SERPINI2: variants seen among roughly 807,000 people sequenced by gnomAD.
The protein encoded by SERPINI2 is serpin family I member 2.
SERPINI2 carries 48 observed loss-of-function variants against 47.3 expected under a neutral mutation model. The ratio of observed to expected loss-of-function variants is 1.02; its 90% CI spans 0.81 to 1.29. SERPINI2 has a LOEUF of 1.29. Ranked by LOEUF, SERPINI2 falls within the 50% of genes most tolerant of loss-of-function variation. The pLI is 0.00. For synonymous variants in SERPINI2, 135 were observed against 149.3 expected, an observed-to-expected ratio of 0.90 and a Z score of 0.70; for missense variants, 448 against 456.9, an observed-to-expected ratio of 0.98 and a Z score of 0.18.
In SERPINI2 at chr3:167,456,150, CTGTGTGTGTGTGTGTG is replaced by C. The variant is rs68048909; in HGVS notation, c.867-3133_867-3118del. On this transcript the variant is annotated intron_variant, in intron 5 of 8. Coordinates refer to ENST00000264677, the Ensembl canonical transcript of SERPINI2. ...CTGGTCACTTTCCAATCAATTACCT[CTGTGTGTGTGTGTGTG>C]TGTGTGTGTGTGTGTGTGTGTGTAA... Among the ~76,000 whole-genome samples, 420 of 144,516 alleles carry C rather than the reference CTGTGTGTGTGTGTGTG, an allele frequency of 2.9e-3. 2 individuals are homozygous for C. Among genetic ancestry groups the C allele is most frequent in the African/African-American group, 9.8e-3 (383 of 39,110 alleles). The allele number at this position is 144,516 out of a possible 152,430, so 94.8% of individuals were successfully genotyped here.
chr3:167,446,471 G>A (rs761936300), exon 8 of SERPINI2: 13 of 1,595,978 alleles, frequency 8.1e-6, no homozygotes, highest in Non-Finnish European at 1.1e-5. Flanking sequence ...TGATCACAGG[G>A]ATGTGTATGC....
At chr3:167,463,474 T>C (rs557411752) in intron 5 of SERPINI2, among the ~76,000 whole-genome samples, 48 of 152,188 alleles carry the variant, frequency 3.2e-4, no homozygotes, top group South Asian at 6.2e-4. Flanking sequence ...ACATTTTTGC[T>C]TGGGAACAGA....
chr3:167,442,083 T>C, exon 9 of SERPINI2: 17 of 1,552,018 alleles, frequency 1.1e-5, no homozygotes, highest in Non-Finnish European at 1.5e-5. Context: ...AGAAATCATC[T>C]TTTATTCTGA....
chr3:167,465,378 G>A (rs1750102996), exon 5 of SERPINI2: 1 of 1,603,120 alleles, frequency 6.2e-7, no homozygotes. Flanking sequence ...TGGTAGTTCA[G>A]GGAAGATTCA....
chr3:167,458,245 CTTTTTTTTTTTTT>C (rs949215365), intron 5 of SERPINI2, among the ~76,000 whole-genome samples: 14 of 105,218 alleles, frequency 1.3e-4, no homozygotes, highest in Non-Finnish European at 1.9e-4. Context: ...GAATTTCTTT[CTTTTTTTTTTTTT>C]TTTTTTTTTT....
intron 5 of SERPINI2, among the ~76,000 whole-genome samples, chr3:167,456,847 A>AAT: frequency 6.6e-6 from 1 of 152,358 alleles, no homozygotes; most frequent in South Asian, 2.1e-4. Context: ...TTAAATGAGT[A>AAT]ATAATACAAA....
At chr3:167,461,845 C>T (rs186671409) in intron 5 of SERPINI2, among the ~76,000 whole-genome samples, 137 of 152,210 alleles carry the variant, frequency 9.0e-4, no homozygotes, top group African/African-American at 3.2e-3. Context: ...GTCTTGAACT[C>T]CTGGGCTCAG....
chr3:167,461,149 G>A (rs952243063), intron 5 of SERPINI2, among the ~76,000 whole-genome samples: 4 of 152,058 alleles, frequency 2.6e-5, no homozygotes, highest in African/African-American at 4.8e-5. Flanking sequence ...ACAGAGAAGG[G>A]CCTGCCACAC....
At chr3:167,467,716 T>C (rs1750179419) in intron 2 of SERPINI2, among the ~76,000 whole-genome samples, 1 of 152,164 alleles carries the variant, frequency 6.6e-6, no homozygotes, top group African/African-American at 2.4e-5. Flanking sequence ...CTTTTCAATA[T>C]TACTTTTATT....
intron 7 of SERPINI2, among the ~76,000 whole-genome samples, 153 bp downstream of exon 7, chr3:167,449,163 C>G (rs557304156): frequency 6.6e-6 from 1 of 152,120 alleles, no homozygotes; most frequent in Non-Finnish European, 1.5e-5. Flanking sequence ...GAAATATGAA[C>G]AGCGTATACA....
chr3:167,469,926 A>G (rs753564280), intron 2 of SERPINI2, among the ~76,000 whole-genome samples: 38 of 152,182 alleles, frequency 2.5e-4, no homozygotes, highest in Admixed American at 3.9e-4. Flanking sequence ...CAAAGTAATT[A>G]TAAATATTAA....
At chr3:167,463,318 AG>A (rs1750034791) in intron 5 of SERPINI2, among the ~76,000 whole-genome samples, 1 of 152,202 alleles carries the variant, frequency 6.6e-6, no homozygotes, top group Admixed American at 6.5e-5. Flanking sequence ...TTTGAAAAAA[AG>A]AATAATATCA....
At chr3:167,459,027 G>A (rs369177335) in intron 5 of SERPINI2, among the ~76,000 whole-genome samples, 1 of 149,990 alleles carries the variant, frequency 6.7e-6, no homozygotes, top group African/African-American at 2.5e-5. Context: ...AGAATCTGGC[G>A]GCGTATAGCA....
chr3:167,449,615 T>C (rs1749588805), intron 6 of SERPINI2, among the ~76,000 whole-genome samples: 1 of 152,128 alleles, frequency 6.6e-6, no homozygotes, highest in Admixed American at 6.5e-5. Flanking sequence ...CCATTCAGCC[T>C]CCCAAGTAGT....
chr3:167,453,001 T>C (rs1303810677), exon 6 of SERPINI2: 1 of 1,601,998 alleles, frequency 6.2e-7, no homozygotes, highest in South Asian at 1.1e-5. Flanking sequence ...ATACAAAACG[T>C]CTTTGAAGTC....
intron 8 of SERPINI2, 34 bp from the exon 9 acceptor site, chr3:167,442,219 G>T (rs1263658916): frequency 1.4e-6 from 2 of 1,449,140 alleles, no homozygotes; most frequent in East Asian, 2.4e-5. Flanking sequence ...TATACTTTAG[G>T]AATTTCAGGA....
rs555948215 is a variant in SERPINI2, at chr3:167,464,009, C to CTTTTT, written c.866+1192_866+1196dup. 3.3e-3 allele frequency among the ~76,000 whole-genome samples: 312 copies of CTTTTT among 93,264 alleles called. 8 individuals carry two copies. The highest frequency in any genetic ancestry group is 7.9e-3 in the African/African-American group (183 of 23,084). The allele number at this position is 93,264 out of a possible 152,430, so 61.2% of individuals were successfully genotyped here. A position where few individuals can be genotyped will look rare whatever the true frequency, so the allele number is the denominator to read the frequency against. On this transcript the variant is annotated intron_variant, in intron 5 of 8. Coordinates refer to ENST00000264677, the Ensembl canonical transcript of SERPINI2. The stretch of plus-strand genomic sequence containing the variant: ...TGCAGTAGTTGAAGAACAGGAGTGG[C>CTTTTT]TTTTTTTTTTTTTTTTTTTTTGGAT...
intron 5 of SERPINI2, among the ~76,000 whole-genome samples, chr3:167,457,854 G>C (rs1010747904): frequency 1.3e-5 from 2 of 152,184 alleles, no homozygotes; most frequent in African/African-American, 2.4e-5. Context: ...AGATCAGAAA[G>C]GCTTTCTAAA....
chr3:167,475,746 T>G (rs1750464625), upstream of SERPINI2, among the ~76,000 whole-genome samples: 1 of 150,510 alleles, frequency 6.6e-6, no homozygotes, highest in South Asian at 2.1e-4. Flanking sequence ...GAATTATTCA[T>G]TAATGAGAGC....
Sources: allele counts gnomAD v4.1 joint callset (sites outside exome capture counted in the v4.1 genomes callset), GRCh38; gene constraint gnomAD v4.1.1; transcripts MANE v1.5; gene names NCBI Gene and HGNC (gene_info 2026-07-23, HGNC 2026-07-21).